The following SMYD3 variants were observed in gnomAD, a reference collection of about 807,000 sequenced individuals.
SMYD3 encodes histone-lysine N-methyltransferase SMYD3.
A neutral mutation model predicts 57.7 loss-of-function variants in SMYD3; 36 were observed. The observed-to-expected ratio is 0.62, with a 90% confidence interval of 0.48 to 0.82. The LOEUF (loss-of-function observed/expected upper bound fraction) is 0.82. SMYD3 is among the 40% of genes least tolerant of loss of function. The pLI is 0.00. For missense variants in SMYD3, 515 were observed against 538.8 expected (o/e 0.96, Z 0.44); for synonymous variants, 211 against 195.0 (o/e 1.08, Z -0.68).
At chr1:246,339,928 G>A (rs1308554433) in intron 2 of SMYD3, among the ~76,000 whole-genome samples, 1 of 152,124 alleles carries the variant, frequency 6.6e-6, no homozygotes, top group African/African-American at 2.4e-5. Context: ...GGACTTCCCG[G>A]CCTCCAGAAA....
chr1:246,363,851 T>TAA (rs1389608708), intron 1 of SMYD3, among the ~76,000 whole-genome samples: 2 of 152,008 alleles, frequency 1.3e-5, no homozygotes, highest in African/African-American at 4.8e-5. Context: ...TCTGCTGACC[T>TAA]TCCCTCCACT....
At chr1:246,363,433 A>T (rs996610796) in intron 1 of SMYD3, among the ~76,000 whole-genome samples, 2 of 152,180 alleles carry the variant, frequency 1.3e-5, no homozygotes, top group African/African-American at 4.8e-5. Context: ...CCAACAGTTC[A>T]TTGAGAACGG....
At chr1:245,863,724 C>G in intron 9 of SMYD3, 75 bp downstream of exon 9, 1 of 1,421,130 alleles carries the variant, frequency 7.0e-7, no homozygotes, top group Non-Finnish European at 9.9e-7. Flanking sequence ...CGCCTCTGAC[C>G]TCATTACGAC....
Position 246,450,584 on chromosome 1 carries a change from A to G in SMYD3, c.164+56470T>C, listed in dbSNP as rs115384148. Among the ~76,000 whole-genome samples the G allele has an allele frequency of 5.0e-3, 757 of 152,324 alleles. 42 individuals are homozygous for G. The South Asian group carries it at 0.098, about 20-fold the overall frequency. Reference sequence around the variant, plus strand: ...GGTATACTTAAGACATAGGCATTCCACTGCACTTAATGGATCTAGTCTCAT... The same window carrying G: ...GGTATACTTAAGACATAGGCATTCCGCTGCACTTAATGGATCTAGTCTCAT... On this transcript the variant is annotated intron_variant, in intron 1 of 11. Coordinates refer to ENST00000490107, the MANE Select transcript of SMYD3 (RefSeq NM_001167740.2).
intron 5 of SMYD3, among the ~76,000 whole-genome samples, chr1:246,012,921 G>C (rs575018391): frequency 6.6e-6 from 1 of 152,164 alleles, no homozygotes; most frequent in African/African-American, 2.4e-5. Flanking sequence ...GCACTCTACT[G>C]TACTGACATT....
At chr1:246,405,638 G>A (rs1392125543) in intron 1 of SMYD3, among the ~76,000 whole-genome samples, 1 of 152,126 alleles carries the variant, frequency 6.6e-6, no homozygotes, top group Admixed American at 6.5e-5. Context: ...GCCAGGTGCA[G>A]TGGTTCACGT....
chr1:245,881,723 G>A (rs1255983008), intron 8 of SMYD3, among the ~76,000 whole-genome samples: 1 of 152,182 alleles, frequency 6.6e-6, no homozygotes, highest in African/African-American at 2.4e-5. Flanking sequence ...TGGAAATAAA[G>A]GCATTGCAGA....
intron 5 of SMYD3, among the ~76,000 whole-genome samples, chr1:246,200,323 G>A (rs1347401220): frequency 6.6e-6 from 1 of 150,462 alleles, no homozygotes; most frequent in African/African-American, 2.4e-5. Flanking sequence ...AGATAGAGGA[G>A]AACAGCGTAG....
At chr1:245,846,322 T>C (rs1316095578) in intron 10 of SMYD3, among the ~76,000 whole-genome samples, 4 of 152,348 alleles carry the variant, frequency 2.6e-5, no homozygotes, top group South Asian at 2.1e-4. Context: ...CAACAGATTC[T>C]ACTCTGCGTG....
chr1:246,405,781 G>A (rs1461522925), intron 1 of SMYD3, among the ~76,000 whole-genome samples: 2 of 151,752 alleles, frequency 1.3e-5, no homozygotes, highest in South Asian at 2.1e-4. Context: ...GTGGTGGCGG[G>A]CGCCTGTAGT....
intron 1 of SMYD3, among the ~76,000 whole-genome samples, chr1:246,376,421 T>C (rs554243524): frequency 1.3e-5 from 2 of 151,256 alleles, no homozygotes; most frequent in South Asian, 2.1e-4. Context: ...TGAAACCCCA[T>C]CTCTACTAAA....
chr1:245,999,366 A>G (rs1020728384), intron 5 of SMYD3, among the ~76,000 whole-genome samples: 1 of 152,230 alleles, frequency 6.6e-6, no homozygotes, highest in Non-Finnish European at 1.5e-5. Flanking sequence ...GGTGCTATCC[A>G]TATAACAACT....
chr1:246,338,170 A>T (rs1242269186), intron 2 of SMYD3, among the ~76,000 whole-genome samples: 1 of 152,222 alleles, frequency 6.6e-6, no homozygotes, highest in Non-Finnish European at 1.5e-5. Flanking sequence ...ATATGGTACC[A>T]CATATCAGCC....
At position 245,786,217 on chromosome 1, in the gene SMYD3, G is replaced by GA. The variant is rs531809165; in HGVS notation, c.1077-22069_1077-22068insT. The stretch of plus-strand genomic sequence containing the variant: ...TGAGTTGAGTTGGGGTGTGGACGGG[G>GA]GGGGGATGGTGGCAACAGAATATTA... On this transcript the variant is annotated intron_variant, in intron 10 of 11. Transcript: ENST00000490107. Among the ~76,000 whole-genome samples the GA allele has an allele frequency of 1.4e-5, 2 of 148,140 alleles. 1 individual carries two copies. Among genetic ancestry groups the GA allele is most frequent in the African/African-American group, 5.1e-5 (2 of 39,494 alleles).
At chr1:246,352,925 T>G (rs1429160230) in intron 2 of SMYD3, among the ~76,000 whole-genome samples, 2 of 152,194 alleles carry the variant, frequency 1.3e-5, no homozygotes, top group Admixed American at 1.3e-4. Flanking sequence ...CAAGTTTGCC[T>G]AGACTTGTGT....
intron 5 of SMYD3, among the ~76,000 whole-genome samples, chr1:245,961,412 C>G (rs1468981630): frequency 6.6e-6 from 1 of 152,130 alleles, no homozygotes; most frequent in African/African-American, 2.4e-5. Context: ...AAATTTCCTT[C>G]TCACCCTTTC....
intron 10 of SMYD3, among the ~76,000 whole-genome samples, chr1:245,819,171 G>C (rs1194011000): frequency 7.2e-6 from 1 of 139,432 alleles, no homozygotes; most frequent in Non-Finnish European, 1.5e-5. Context: ...AAATGTAAAA[G>C]AACAGAAATT....
chr1:246,079,369 A>G (rs950809454), intron 5 of SMYD3, among the ~76,000 whole-genome samples: 1 of 152,186 alleles, frequency 6.6e-6, no homozygotes, highest in Non-Finnish European at 1.5e-5. Context: ...AAGAACTCTG[A>G]CTCTACTTTT....
chr1:246,421,510 A>G (rs1237951322), intron 1 of SMYD3, among the ~76,000 whole-genome samples: 2 of 152,174 alleles, frequency 1.3e-5, no homozygotes, highest in African/African-American at 4.8e-5. Context: ...TGAAAGTTCT[A>G]ATGTCATTTC....
Sources: gnomAD v4.1 joint callset for allele counts (sites outside exome capture counted in the v4.1 genomes callset) on GRCh38, gnomAD v4.1.1 for gene constraint, MANE v1.5 for transcripts, NCBI Gene and HGNC (gene_info 2026-07-23, HGNC 2026-07-21) for gene names.